UTP14A: variants seen among roughly 807,000 people sequenced by gnomAD.
UTP14A encodes U3 small nucleolar RNA-associated protein 14 homolog A.
Under a neutral mutation model 57.2 loss-of-function variants are expected in UTP14A, and 5 were observed. The observed-to-expected ratio is 0.09, with a 90% confidence interval of 0.05 to 0.18. The LOEUF is 0.18. Ranked by LOEUF, UTP14A falls within the 10% of genes least tolerant of loss-of-function variation. The probability of loss-of-function intolerance (pLI) is 1.00; values close to 1 mark genes in which losing one functional copy is unlikely to be tolerated. For synonymous variants in UTP14A, 169 were observed against 210.9 expected (o/e 0.80, Z 1.72); for missense variants, 430 against 562.1 (o/e 0.76, Z 2.38).
chrX:129,919,222 C>G lies in UTP14A; in HGVS notation c.585C>G (p.Asn195Lys). The change falls in exon 7 of 15, where the codon AAC becomes AAG. Residue 195 changes from asparagine (N) to lysine (K), a missense_variant. Physicochemically the swap from Asn to Lys is moderately conservative, Grantham distance 94. This residue lies in a region of UTP14A where 145 missense variants were observed against 153.5 expected (regional missense o/e 0.94). Transcript: ENST00000394422. ...AAATTTTCAACCTCCTCCATAAGAA[C>G]AAGCAGCCAGTGACAGACCCTTTAC... ...EQEIFNLLHK[N>K]KQPVTDPLLT... The G allele has an allele frequency of 8.3e-7, 1 of 1,211,823 alleles. No homozygotes were observed. The highest frequency in any genetic ancestry group is 1.1e-6 in the Non-Finnish European group (1 of 895,534).
Position 129,921,307 on chromosome X carries a change from C to G in UTP14A, c.1068C>G (p.Leu356=), listed in dbSNP as rs940392553. Residue 356 remains leucine, a synonymous_variant, in exon 11 of 15, where the codon CTC becomes CTG. Transcript: ENST00000394422. ...EEGGTEDVEE[L]LVPDVVNEVQ... ...GAGGCACAGAAGATGTGGAAGAACT[C>G]CTTGTCCCTGATGTAGTGAATGAAG... The G allele has an allele frequency of 8.3e-7, 1 of 1,211,525 alleles. No homozygotes were observed. Among genetic ancestry groups the G allele is most frequent in the Non-Finnish European group, 1.1e-6 (1 of 895,528 alleles).
chrX:129,907,317 T>A lies in UTP14A; in HGVS notation c.27-50T>A, dbSNP rs370308627. On this transcript the variant is annotated intron_variant, in intron 1 of 14. Coordinates refer to ENST00000394422, the MANE Select transcript of UTP14A (RefSeq NM_006649.4). ...TAATTAAGGGATACATATGCAGGTT[T>A]GTTACATGGGTATATTGCATTCACA... 2.7e-5 allele frequency: 28 copies of A among 1,034,581 alleles called. No individual in the cohort carries two copies. The African/African-American group carries it at 5.1e-4, about 19-fold the overall frequency. 85.3% of individuals were successfully genotyped at this position (1,034,581 alleles called of 1,213,427 possible).
At chrX:129,911,298 G>C in intron 5 of UTP14A, 148 bp downstream of exon 5, 1 of 820,654 alleles carries the variant, frequency 1.2e-6, no homozygotes, top group South Asian at 3.1e-5. Flanking sequence ...AATAATCTAG[G>C]AGTGCCAGGC....
chrX:129,909,399 C>T (rs1270470419), intron 4 of UTP14A, among the ~76,000 whole-genome samples: 2 of 110,338 alleles, frequency 1.8e-5, no homozygotes, highest in Admixed American at 9.7e-5. Flanking sequence ...TTAGTAGAGA[C>T]GGGGTTTCAC....
chrX:129,908,554 C>G, intron 3 of UTP14A, 116 bp from the exon 4 acceptor site: 4 of 728,154 alleles, frequency 5.5e-6, no homozygotes, highest in Non-Finnish European at 8.5e-6. Flanking sequence ...AAACATGACC[C>G]TAGAAGAAAT....
chrX:129,908,877 G>A (rs185242871), intron 4 of UTP14A, 143 bp downstream of exon 4: 5 of 535,317 alleles, frequency 9.3e-6, no homozygotes, highest in East Asian at 7.0e-5. Context: ...GTGAAGAAGT[G>A]TAGTCAGATG....
intron 6 of UTP14A, among the ~76,000 whole-genome samples, chrX:129,918,746 A>G (rs973241524): frequency 7.2e-5 from 8 of 110,478 alleles, no homozygotes; most frequent in African/African-American, 2.6e-4. Context: ...GCGTGGTGGC[A>G]GGCATCTGTA....
intron 6 of UTP14A, chrX:129,913,405 T>C (rs1373973188): frequency 1.2e-5 from 4 of 338,863 alleles, no homozygotes; most frequent in Non-Finnish European, 2.4e-5. Flanking sequence ...GGTAATACAA[T>C]TTGTAGGATT....
At chrX:129,915,524 C>CAAAAA (rs778079199) in intron 6 of UTP14A, among the ~76,000 whole-genome samples, 6 of 39,798 alleles carry the variant, frequency 1.5e-4, no homozygotes, top group African/African-American at 5.1e-4. Flanking sequence ...GACTCTGTCT[C>CAAAAA]AAAAAAAAAA....
Position 129,929,616 on chromosome X carries a change from G to A in UTP14A, c.*8G>A. ...AAATGCTCTGTAGATTGAGTTGCTG[G>A]AGGAGTGACAGCCAGGAGCCCTGAC... On this transcript the variant is annotated 3_prime_UTR_variant, in exon 15 of 15. Transcript: ENST00000394422. 1.7e-6 allele frequency: 2 copies of A among 1,205,589 alleles called. No individual in the cohort carries two copies. The highest frequency in any genetic ancestry group is 2.2e-6 in the Non-Finnish European group (2 of 890,946).
chrX:129,925,155 C>T lies in UTP14A; in HGVS notation c.1709C>T (p.Pro570Leu). 8.3e-7 allele frequency: 1 copy of T among 1,211,210 alleles called. No individual in the cohort carries two copies. The highest frequency in any genetic ancestry group is 1.1e-6 in the Non-Finnish European group (1 of 895,329). ...DLQNLLTTQS[P>L]SVKSLAVPTI... ...CAGAACCTCCTAACCACACAATCTC[C>T]CTCCGTGAAGTCTTTGGCAGTTCCC... is the stretch of plus-strand genomic sequence containing the variant. Residue 570 changes from proline (P) to leucine (L), a missense_variant, in exon 12 of 15, where the codon CCC becomes CTC. Around this residue, in one of 4 missense-constraint regions of UTP14A, gnomAD observed 120 missense variants for 116.8 expected, o/e 1.03. Transcript: ENST00000394422.
Position 129,906,187 on chromosome X carries a change from A to T in UTP14A, c.-24A>T, listed in dbSNP as rs1185409074. The T allele has an allele frequency of 8.3e-7, 1 of 1,210,366 alleles. No individual in the cohort carries two copies. Among genetic ancestry groups the T allele is most frequent in the Non-Finnish European group, 1.1e-6 (1 of 894,621 alleles). ...TTCCTTCGGCTTCCGTTCTTGGTCC[A>T]TGTGAGAGAAGCTGGCTGCTGAAAT... On this transcript the variant is annotated 5_prime_UTR_variant, in exon 1 of 15. The change abolishes an upstream ATG in the 5' untranslated region. Coordinates refer to ENST00000394422, the MANE Select transcript of UTP14A (RefSeq NM_006649.4).
In UTP14A at chrX:129,906,232, G is replaced by A; in HGVS notation, c.22G>A (p.Glu8Lys). The A allele has an allele frequency of 8.3e-7, 1 of 1,208,308 alleles. No homozygotes were observed. Among genetic ancestry groups the A allele is most frequent in the Non-Finnish European group, 1.1e-6 (1 of 893,367 alleles). Residue 8 changes from glutamate (E) to lysine (K), a missense_variant, in exon 1 of 15, where the codon GAG becomes AAG. This residue lies in a region of UTP14A where 145 missense variants were observed against 153.5 expected (regional missense o/e 0.94). Transcript: ENST00000394422. Reference protein sequence around the residue: MTANRLAESLLALSQQEE... With the variant: MTANRLAKSLLALSQQEE... Reference sequence around the variant, plus strand: ...TGAAATGACTGCGAACCGGCTTGCAGAGAGGTGAAGGGCAACGAGGGGAGG... The same window carrying A: ...TGAAATGACTGCGAACCGGCTTGCAAAGAGGTGAAGGGCAACGAGGGGAGG...
intron 6 of UTP14A, 81 bp downstream of exon 6, chrX:129,912,002 T>C (rs1929491048): frequency 8.9e-7 from 1 of 1,122,028 alleles, no homozygotes; most frequent in African/African-American, 1.8e-5. Flanking sequence ...TGATTGGACA[T>C]GTTAAGCTAA....
At chrX:129,927,997 C>T (rs909716582) in intron 14 of UTP14A, among the ~76,000 whole-genome samples, 14 of 110,966 alleles carry the variant, frequency 1.3e-4, no homozygotes, top group South Asian at 3.7e-4. Flanking sequence ...ATCACTTCCC[C>T]CCTCTAAGCC....
chrX:129,910,098 C>G (rs999557575), intron 4 of UTP14A, among the ~76,000 whole-genome samples: 1 of 112,002 alleles, frequency 8.9e-6, no homozygotes, highest in Non-Finnish European at 1.9e-5. Context: ...AAGCCGAGAT[C>G]TGAATGACAA....
At chrX:129,906,360 G>A (rs1044291890) in intron 1 of UTP14A, 124 bp downstream of exon 1, 1 of 682,675 alleles carries the variant, frequency 1.5e-6, no homozygotes, top group East Asian at 3.3e-5. Context: ...CTGGCCATTC[G>A]TTCCTATTTT....
At chrX:129,926,361 T>C in intron 14 of UTP14A, 22 bp downstream of exon 14, 1 of 1,169,221 alleles carries the variant, frequency 8.6e-7, no homozygotes, top group Non-Finnish European at 1.2e-6. Flanking sequence ...GAGAGCTCTT[T>C]AGCTGCCTGC....
chrX:129,911,499 C>T (rs990940663), intron 5 of UTP14A, among the ~76,000 whole-genome samples: 1 of 110,694 alleles, frequency 9.0e-6, no homozygotes, highest in African/African-American at 3.3e-5. Flanking sequence ...TGAACCAGGA[C>T]GTGGAGGTTG....
Sources: allele counts gnomAD v4.1 joint callset (sites outside exome capture counted in the v4.1 genomes callset), GRCh38; gene constraint gnomAD v4.1.1; regional missense constraint gnomAD v4.1.1; transcripts MANE v1.5; gene names NCBI Gene and HGNC (gene_info 2026-07-23, HGNC 2026-07-21).